Variants in GABBR2 observed in about 807,000 individuals in gnomAD.
GABBR2 encodes G-protein coupled receptor 51.
A neutral mutation model predicts 105.6 loss-of-function variants in GABBR2; 23 were observed. The observed-to-expected ratio is 0.22, with a 90% CI of 0.16 to 0.31. The LOEUF (loss-of-function observed/expected upper bound fraction) is 0.31. GABBR2 is among the 10% of genes least tolerant of loss of function. The pLI, the probability that GABBR2 is intolerant of heterozygous loss-of-function variation, is 1.00. For missense variants in GABBR2, 734 were observed against 1,245.5 expected, an observed-to-expected ratio of 0.59 and a Z score of 6.18; for synonymous variants, 478 against 499.7, an observed-to-expected ratio of 0.96 and a Z score of 0.58.
chr9:98,437,579 A>G (rs1028474019), intron 7 of GABBR2, among the ~76,000 whole-genome samples: 19 of 152,004 alleles, frequency 1.2e-4, no homozygotes, highest in Middle Eastern at 3.4e-3. Context: ...CCATCCACCC[A>G]CAAACTCATC....
intron 1 of GABBR2, among the ~76,000 whole-genome samples, chr9:98,642,530 G>A (rs1430121909): frequency 6.6e-6 from 1 of 152,174 alleles, no homozygotes; most frequent in Non-Finnish European, 1.5e-5. Context: ...AAGCTCCTCT[G>A]AGGTCTGGTC....
intron 8 of GABBR2, among the ~76,000 whole-genome samples, chr9:98,403,939 T>G (rs929691406): frequency 1.3e-5 from 2 of 152,030 alleles, no homozygotes; most frequent in Non-Finnish European, 2.9e-5. Context: ...AGTGAGGAAG[T>G]GACTGGATCT....
chr9:98,576,996 G>GTGGA (rs1200195973), intron 2 of GABBR2, among the ~76,000 whole-genome samples: 1 of 139,880 alleles, frequency 7.1e-6, no homozygotes, highest in South Asian at 2.3e-4. Context: ...GGATGTATGG[G>GTGGA]TGGATGGATG....
intron 1 of GABBR2, among the ~76,000 whole-genome samples, chr9:98,613,269 T>C (rs1032869420): frequency 6.6e-6 from 1 of 151,972 alleles, no homozygotes; most frequent in African/African-American, 2.4e-5. Flanking sequence ...TGAGACCCAA[T>C]CTCTATAAAC....
chr9:98,483,049 C>T (rs1336930322), intron 4 of GABBR2, among the ~76,000 whole-genome samples: 1 of 152,108 alleles, frequency 6.6e-6, no homozygotes, highest in African/African-American at 2.4e-5. Context: ...TCCAGTTTCC[C>T]ACCAGACTCT....
At chr9:98,647,523 C>T (rs950114542) in intron 1 of GABBR2, among the ~76,000 whole-genome samples, 5 of 152,146 alleles carry the variant, frequency 3.3e-5, no homozygotes, top group African/African-American at 7.2e-5. Context: ...TCTGACTCTC[C>T]GCTTCTTTAT....
At chr9:98,442,771 CCTT>C (rs1012240101) in intron 7 of GABBR2, among the ~76,000 whole-genome samples, 6 of 152,308 alleles carry the variant, frequency 3.9e-5, no homozygotes, top group African/African-American at 1.4e-4. Context: ...GGATCAGTCA[CCTT>C]CTGGTGGTTG....
At chr9:98,459,105 T>G (rs191557154) in intron 6 of GABBR2, among the ~76,000 whole-genome samples, 22 of 152,308 alleles carry the variant, frequency 1.4e-4, no homozygotes, top group Admixed American at 1.3e-3. Context: ...ATCTGCTCCC[T>G]TTATACACAA....
At chr9:98,664,284 T>C (rs1588274350) in intron 1 of GABBR2, among the ~76,000 whole-genome samples, 1 of 152,218 alleles carries the variant, frequency 6.6e-6, no homozygotes, top group Admixed American at 6.5e-5. Context: ...AAACGGCTAG[T>C]GATCCCCATT....
At chr9:98,654,807 A>ATTT (rs2131848469) in intron 1 of GABBR2, among the ~76,000 whole-genome samples, 1 of 152,356 alleles carries the variant, frequency 6.6e-6, no homozygotes, top group East Asian at 1.9e-4. Flanking sequence ...GGATATTTAC[A>ATTT]GCAACTTTAT....
rs376755745 is a variant in GABBR2 at position 98,708,379 on chromosome 9, C to T, written c.321+38G>A. 16 of 1,336,218 alleles carry T rather than the reference C, an allele frequency of 1.2e-5. No homozygotes were observed. The African/African-American group carries it at 1.8e-4, about 15-fold the overall frequency. The allele number at this position is 1,336,218 out of a possible 1,614,324, so 82.8% of individuals were successfully genotyped here. A position where few individuals can be genotyped will look rare whatever the true frequency, so the allele number is the denominator to read the frequency against. ...TGTCCAAACCACCCACCCCAATGCC[C>T]CCCGAAGCCCCGACGGCAGGGGCAG... On this transcript the variant is annotated intron_variant, in intron 1 of 18. Transcript: ENST00000259455.
At chr9:98,367,366 G>C (rs943268232) in intron 12 of GABBR2, among the ~76,000 whole-genome samples, 2 of 149,826 alleles carry the variant, frequency 1.3e-5, no homozygotes, top group African/African-American at 4.9e-5. Flanking sequence ...AACAAAACAA[G>C]TCAGTCACCA....
At chr9:98,343,533 G>A (rs1007688519) in intron 13 of GABBR2, among the ~76,000 whole-genome samples, 2 of 152,042 alleles carry the variant, frequency 1.3e-5, no homozygotes, top group African/African-American at 4.8e-5. Context: ...GTTTACTTTT[G>A]GGGAAAATTA....
chr9:98,481,929 C>T (rs1309326909), intron 4 of GABBR2, among the ~76,000 whole-genome samples: 2 of 152,202 alleles, frequency 1.3e-5, no homozygotes, highest in African/African-American at 4.8e-5. Flanking sequence ...TCTCATGGGT[C>T]AGGTAAATGG....
At chr9:98,357,453 G>A (rs1831503488) in intron 13 of GABBR2, among the ~76,000 whole-genome samples, 1 of 152,166 alleles carries the variant, frequency 6.6e-6, no homozygotes, top group African/African-American at 2.4e-5. Flanking sequence ...TTGGAGACCA[G>A]TCTAGACAAC....
intron 8 of GABBR2, among the ~76,000 whole-genome samples, chr9:98,404,199 CAAA>C (rs55680554): frequency 6.9e-6 from 1 of 144,980 alleles, no homozygotes. Flanking sequence ...TGCAATCACT[CAAA>C]AAAAAAAAAA....
chr9:98,558,357 A>G (rs1828618406), intron 2 of GABBR2, among the ~76,000 whole-genome samples: 1 of 152,246 alleles, frequency 6.6e-6, no homozygotes. Flanking sequence ...GATGGGGGCT[A>G]CTGAGAAGTG....
At chr9:98,293,032 G>T (rs1239859812) in intron 18 of GABBR2, among the ~76,000 whole-genome samples, 1 of 152,162 alleles carries the variant, frequency 6.6e-6, no homozygotes, top group African/African-American at 2.4e-5. Context: ...TAATACTAAA[G>T]AGCCCCAAAT....
In GABBR2 at chr9:98,394,155, G is replaced by A. The variant is rs987672468; in HGVS notation, c.1378+20C>T. The A allele has an allele frequency of 1.3e-6, 2 of 1,588,936 alleles. No individual in the cohort carries two copies. Among genetic ancestry groups the A allele is most frequent in the African/African-American group, 1.3e-5 (1 of 74,436 alleles). On this transcript the variant is annotated intron_variant, in intron 9 of 18. Transcript: ENST00000259455. ...AGCAACTGGGCAGGCCCCCTCCTCT[G>A]AGAAGCCCACCTGCCTTACCTTGGA...
Sources: allele counts gnomAD v4.1 joint callset (sites outside exome capture counted in the v4.1 genomes callset), GRCh38; gene constraint gnomAD v4.1.1; transcripts MANE v1.5; gene names NCBI Gene and HGNC (gene_info 2026-07-23, HGNC 2026-07-21).